Variants in ZBP1 observed in about 807,000 individuals in gnomAD.
The protein encoded by ZBP1 is Z-DNA binding protein 1.
Under a neutral mutation model 41.1 loss-of-function variants are expected in ZBP1, and 42 were observed. The ratio of observed to expected loss-of-function variants is 1.02; its 90% CI spans 0.80 to 1.32. The LOEUF is 1.32. Among genes scored for constraint, ZBP1 ranks in the 40% most tolerant of loss-of-function variants. ZBP1 has a pLI of 0.00. For synonymous variants in ZBP1, 214 were observed against 205.2 expected, an observed-to-expected ratio of 1.04 and a Z score of -0.37; for missense variants, 562 against 549.7, an observed-to-expected ratio of 1.02 and a Z score of -0.22.
At chr20:57,614,242 C>T (rs774632261) in intron 4 of ZBP1, among the ~76,000 whole-genome samples, 6 of 152,026 alleles carry the variant, frequency 3.9e-5, no homozygotes, top group Non-Finnish European at 8.8e-5. Context: ...GCCATGTTGG[C>T]CAGACTGGTC....
chr20:57,610,215 T>A lies in ZBP1; in HGVS notation c.1027A>T (p.Ser343Cys), dbSNP rs1342808378. The change falls in exon 7 of 8, where the codon AGC becomes TGC. Residue 343 changes from serine to cysteine, a missense_variant. Coordinates refer to ENST00000371173, the MANE Select transcript of ZBP1 (RefSeq NM_030776.3). This position sits in a 1 kb window ranked among gnomAD's most constrained non-coding sequence, Gnocchi z 5.5. ...TIGNSNKMSI[S>C]PGVAGPGGVA... Reference sequence around the variant, plus strand: ...CCTCCTGGGCCAGCCACCCCTGGGCTGATAGACATTTTGTTGCTGTTGCCG... The same window carrying A: ...CCTCCTGGGCCAGCCACCCCTGGGCAGATAGACATTTTGTTGCTGTTGCCG... 1.2e-6 allele frequency: 2 copies of A among 1,614,068 alleles called. No individual in the cohort carries two copies. The highest frequency in any genetic ancestry group is 1.7e-6 in the Non-Finnish European group (2 of 1,180,032).
Position 57,610,106 on chromosome 20 carries a change from G to A in ZBP1, c.1093+43C>T, listed in dbSNP as rs200635080. On this transcript the variant is annotated intron_variant, in intron 7 of 7. Transcript: ENST00000371173. This position sits in a 1 kb window ranked among gnomAD's most constrained non-coding sequence, Gnocchi z 5.5. The stretch of plus-strand genomic sequence containing the variant: ...TGAATGAATGAGTGGAAGGTGGGGA[G>A]AGAGAGAGAACACACAGGGGTCCAC... The A allele has an allele frequency of 6.4e-6, 10 of 1,557,184 alleles. No individual in the cohort carries two copies. The African/African-American group carries it at 9.5e-5, about 15-fold the overall frequency.
chr20:57,604,314 C>T lies in ZBP1; in HGVS notation c.*259G>A, dbSNP rs912041801. ...TCCCCTGGGCCTGGGGGACCGAGCC[C>T]CACTCCCATCTACCCACCTCCTCTT... On this transcript the variant is annotated 3_prime_UTR_variant, in exon 8 of 8. Transcript: ENST00000371173. The T allele has an allele frequency of 7.9e-6, 5 of 631,812 alleles. No homozygotes were observed. Among genetic ancestry groups the T allele is most frequent in the Middle Eastern group, 5.0e-4 (2 of 4,034 alleles). 39.1% of individuals were successfully genotyped at this position (631,812 alleles called of 1,614,324 possible).
At chr20:57,606,957 C>G (rs1017629468) in intron 7 of ZBP1, 8 of 1,183,626 alleles carry the variant, frequency 6.8e-6, no homozygotes, top group Non-Finnish European at 8.6e-6. Context: ...CATCCACGGG[C>G]TCTGATGGAG....
rs778237680 is a variant in ZBP1, at chr20:57,613,102, C to A, written c.670+61G>T. 1.2e-6 allele frequency: 2 copies of A among 1,604,818 alleles called. No homozygotes were observed. The highest frequency in any genetic ancestry group is 2.2e-5 in the South Asian group (2 of 90,134). ...TCCCCATCCCTACCCTTTGCCCCCACCCAGAGGATCCGGTGGCTCCCCACC... is the reference window on the plus strand; with the variant it reads ...TCCCCATCCCTACCCTTTGCCCCCAACCAGAGGATCCGGTGGCTCCCCACC... On this transcript the variant is annotated intron_variant, in intron 5 of 7. Transcript: ENST00000371173. The surrounding 1 kb of genome is among the most constrained non-coding windows in gnomAD (Gnocchi z 4.5).
chr20:57,618,610 C>T (rs901390384), intron 1 of ZBP1, among the ~76,000 whole-genome samples: 3 of 152,150 alleles, frequency 2.0e-5, no homozygotes, highest in African/African-American at 4.8e-5. Context: ...GATGGAATTT[C>T]GTTCTTGTTG....
intron 5 of ZBP1, chr20:57,612,883 AC>A: frequency 7.6e-7 from 1 of 1,320,138 alleles, no homozygotes; most frequent in Non-Finnish European, 9.7e-7. Context: ...ACACAGAGAT[AC>A]CCCATCTTAA....
At chr20:57,604,859 G>A (rs983486692) in intron 7 of ZBP1, 90 bp from the exon 8 acceptor site, 1 of 1,272,508 alleles carries the variant, frequency 7.9e-7, no homozygotes, top group African/African-American at 1.5e-5. Flanking sequence ...TTCGAGCTCA[G>A]CTTGAGCCTT....
rs895536909 is a variant in ZBP1, at chr20:57,610,036, A to G, written c.1093+113T>C. The G allele has an allele frequency of 8.0e-7, 1 of 1,256,776 alleles. No individual in the cohort carries two copies. The highest frequency in any genetic ancestry group is 2.4e-5 in the East Asian group (1 of 41,354). The allele number at this position is 1,256,776 out of a possible 1,614,324, so 77.9% of individuals were successfully genotyped here. A position where few individuals can be genotyped will look rare whatever the true frequency, so the allele number is the denominator to read the frequency against. On this transcript the variant is annotated intron_variant, in intron 7 of 7. Transcript: ENST00000371173. This position sits in a 1 kb window ranked among gnomAD's most constrained non-coding sequence, Gnocchi z 5.5. ...CTCGCTGTGGGTGGGCACAGCCTCC[A>G]GACTCCGGGAAACCAGAGATTAGCG...
chr20:57,606,089 G>C (rs2070489959), intron 7 of ZBP1, among the ~76,000 whole-genome samples: 1 of 152,224 alleles, frequency 6.6e-6, no homozygotes, highest in Non-Finnish European at 1.5e-5. Flanking sequence ...TTGAAAGCTA[G>C]GTCAAAAGTT....
At chr20:57,614,090 A>C (rs1288336659) in intron 4 of ZBP1, among the ~76,000 whole-genome samples, 1 of 152,176 alleles carries the variant, frequency 6.6e-6, no homozygotes, top group East Asian at 1.9e-4. Context: ...GCTGGAGTGC[A>C]ATGGCGCGAT....
At chr20:57,615,173 T>A in intron 3 of ZBP1, 113 bp from the exon 4 acceptor site, 6 of 1,178,530 alleles carry the variant, frequency 5.1e-6, no homozygotes, top group Non-Finnish European at 7.3e-6. Flanking sequence ...GGTTTCCTCA[T>A]CTGTAAAATG....
intron 4 of ZBP1, 141 bp downstream of exon 4, chr20:57,614,745 GC>G (rs1448975799): frequency 2.7e-6 from 3 of 1,111,866 alleles, no homozygotes; most frequent in African/African-American, 1.6e-5. Flanking sequence ...CCTCCTGGAA[GC>G]CCTTGCAGTG....
Position 57,613,173 on chromosome 20 carries a change from G to A in ZBP1, c.660C>T (p.Ser220=). The A allele has an allele frequency of 6.2e-7, 1 of 1,614,158 alleles. No homozygotes were observed. Among genetic ancestry groups the A allele is most frequent in the Non-Finnish European group, 8.5e-7 (1 of 1,180,030 alleles). ...TCTTGGGTGACTTACCGTCCTCCCT[G>A]GAGACTGTCTGTCTTGTAATGATGT... ...HGNIITRQTV[S]REDGSAGPRH... is the part of the protein sequence containing the mutation. Residue 220 remains serine, a synonymous_variant, in exon 5 of 8, where the codon TCC becomes TCT. Transcript: ENST00000371173. This position sits in a 1 kb window ranked among gnomAD's most constrained non-coding sequence, Gnocchi z 4.5.
chr20:57,610,546 G>A lies in ZBP1; in HGVS notation c.875-179C>T, dbSNP rs1323491028. On this transcript the variant is annotated intron_variant, in intron 6 of 7. Coordinates refer to ENST00000371173, the MANE Select transcript of ZBP1 (RefSeq NM_030776.3). This position sits in a 1 kb window ranked among gnomAD's most constrained non-coding sequence, Gnocchi z 5.5. ...CACCCGCCACACCTCCGCTCGTGCT[G>A]TTGTGCTGTCTGGGAAGCGTCTTTC... The A allele has an allele frequency of 3.2e-6, 2 of 626,938 alleles. No individual in the cohort carries two copies. Among genetic ancestry groups the A allele is most frequent in the Non-Finnish European group, 2.8e-6 (1 of 357,936 alleles). 38.8% of individuals were successfully genotyped at this position (626,938 alleles called of 1,614,324 possible).
Position 57,610,003 on chromosome 20 carries a change from T to A in ZBP1, c.1093+146A>T. The A allele has an allele frequency of 1.1e-6, 1 of 891,646 alleles. No homozygotes were observed. 55.2% of individuals were successfully genotyped at this position (891,646 alleles called of 1,614,324 possible). ...GGAGCCTCCACGCTGACTCTAGAGC[T>A]GCTGCTCCTCGCTGTGGGTGGGCAC... On this transcript the variant is annotated intron_variant, in intron 7 of 7. Transcript: ENST00000371173. The surrounding 1 kb of genome is among the most constrained non-coding windows in gnomAD (Gnocchi z 5.5).
chr20:57,610,244 G>T lies in ZBP1; in HGVS notation c.998C>A (p.Thr333Asn). 6.2e-7 allele frequency: 1 copy of T among 1,614,184 alleles called. No individual in the cohort carries two copies. Among genetic ancestry groups the T allele is most frequent in the Non-Finnish European group, 8.5e-7 (1 of 1,180,036 alleles). The part of the protein sequence containing the change: ...HMKSCFLEDA[T>N]IGNSNKMSIS... ...AGACATTTTGTTGCTGTTGCCGATGGTGGCGTCCTCGAGAAAGCACGATTT... is the reference window on the plus strand; with the variant it reads ...AGACATTTTGTTGCTGTTGCCGATGTTGGCGTCCTCGAGAAAGCACGATTT... Residue 333 changes from threonine (T) to asparagine (N), a missense_variant, in exon 7 of 8, where the codon ACC (threonine) becomes AAC (asparagine). By Grantham distance (65) the Thr-to-Asn change is moderately conservative (BLOSUM62 0). Coordinates refer to ENST00000371173, the MANE Select transcript of ZBP1 (RefSeq NM_030776.3). This position sits in a 1 kb window ranked among gnomAD's most constrained non-coding sequence, Gnocchi z 5.5.
intron 7 of ZBP1, among the ~76,000 whole-genome samples, chr20:57,605,283 C>T (rs1164477028): frequency 6.6e-6 from 1 of 152,170 alleles, no homozygotes; most frequent in East Asian, 1.9e-4. Flanking sequence ...ACTCATTTTT[C>T]ACAAGTTGAA....
chr20:57,618,573 G>A (rs540077396), intron 1 of ZBP1, among the ~76,000 whole-genome samples: 4 of 152,238 alleles, frequency 2.6e-5, no homozygotes, highest in South Asian at 4.1e-4. Flanking sequence ...ACCTTGTCTC[G>A]CAGAGTTTTT....
Sources: gnomAD v4.1 joint callset for allele counts (sites outside exome capture counted in the v4.1 genomes callset) on GRCh38, gnomAD v4.1.1 for gene constraint, Gnocchi (gnomAD v3.1) non-coding constraint, MANE v1.5 for transcripts, NCBI Gene and HGNC (gene_info 2026-07-23, HGNC 2026-07-21) for gene names.